SLC25A21: variants seen among roughly 807,000 people sequenced by gnomAD.
SLC25A21 encodes mitochondrial 2-oxodicarboxylate carrier.
In SLC25A21, 47 loss-of-function variants were observed where a neutral mutation model predicts 43.8. The observed-to-expected ratio is 1.07, with a 90% CI of 0.85 to 1.37. The LOEUF (loss-of-function observed/expected upper bound fraction) is 1.37, where lower values mean the gene tolerates loss of function less well. Ranked by LOEUF, SLC25A21 falls within the 40% of genes most tolerant of loss-of-function variation. The pLI is 0.00. For synonymous variants in SLC25A21, 131 were observed against 121.3 expected, an observed-to-expected ratio of 1.08 and a Z score of -0.52; for missense variants, 352 against 350.2, an observed-to-expected ratio of 1.00 and a Z score of -0.04.
intron 1 of SLC25A21, among the ~76,000 whole-genome samples, chr14:37,018,966 A>C (rs2138750617): frequency 6.6e-6 from 1 of 152,160 alleles, no homozygotes; most frequent in East Asian, 1.9e-4. Context: ...GGTTTATCCC[A>C]GGATCTACAG....
At chr14:36,689,645 C>T (rs2139149020) in intron 7 of SLC25A21, among the ~76,000 whole-genome samples, 1 of 152,252 alleles carries the variant, frequency 6.6e-6, no homozygotes, top group Admixed American at 6.5e-5. Flanking sequence ...ACATCTCAAC[C>T]ATATCCATGA....
intron 1 of SLC25A21, among the ~76,000 whole-genome samples, chr14:37,159,132 T>C (rs1197310648): frequency 6.6e-6 from 1 of 151,126 alleles, no homozygotes; most frequent in Non-Finnish European, 1.5e-5. Flanking sequence ...TGAGAAGAAT[T>C]AATAACAATA....
At chr14:36,734,714 A>C (rs1018753700) in intron 3 of SLC25A21, 141 bp from the exon 4 acceptor site, 1 of 652,652 alleles carries the variant, frequency 1.5e-6, no homozygotes, top group South Asian at 2.1e-5. Context: ...TTCTAAAATA[A>C]AGAAATAAAT....
At chr14:37,103,242 C>T (rs1240917953) in intron 1 of SLC25A21, among the ~76,000 whole-genome samples, 2 of 152,148 alleles carry the variant, frequency 1.3e-5, no homozygotes, top group African/African-American at 4.8e-5. Flanking sequence ...TTGCATATCT[C>T]TTCCTTTACC....
At chr14:36,715,954 G>A (rs1230175940) in intron 6 of SLC25A21, among the ~76,000 whole-genome samples, 1 of 152,088 alleles carries the variant, frequency 6.6e-6, no homozygotes, top group Non-Finnish European at 1.5e-5. Flanking sequence ...AGCTGGGCAT[G>A]GTGGTGCGGG....
chr14:37,016,604 C>G (rs1325438613), intron 1 of SLC25A21, among the ~76,000 whole-genome samples: 1 of 151,998 alleles, frequency 6.6e-6, no homozygotes, highest in African/African-American at 2.4e-5. Flanking sequence ...CCTCAACTCA[C>G]CAATTGCATT....
intron 7 of SLC25A21, among the ~76,000 whole-genome samples, chr14:36,710,023 G>A (rs573481851): frequency 2.6e-5 from 4 of 152,196 alleles, no homozygotes; most frequent in South Asian, 2.1e-4. Context: ...TATTGTAGAC[G>A]TTGAAAAAGG....
intron 1 of SLC25A21, among the ~76,000 whole-genome samples, chr14:37,095,254 A>G (rs1962665027): frequency 6.6e-6 from 1 of 152,196 alleles, no homozygotes; most frequent in Non-Finnish European, 1.5e-5. Context: ...GTGGTGGCAC[A>G]TGCCTGTAAT....
intron 1 of SLC25A21, among the ~76,000 whole-genome samples, chr14:36,953,252 C>T (rs1429846767): frequency 2.0e-5 from 3 of 152,166 alleles, no homozygotes; most frequent in African/African-American, 7.2e-5. Flanking sequence ...TTTTGGGCTG[C>T]TTTGTGTAAA....
chr14:37,088,851 CCAGCATTA>C (rs1962531594), intron 1 of SLC25A21, among the ~76,000 whole-genome samples: 1 of 152,170 alleles, frequency 6.6e-6, no homozygotes, highest in Non-Finnish European at 1.5e-5. Context: ...AGAATACTAA[CCAGCATTA>C]TTTCTTTCTT....
At chr14:37,110,702 C>T (rs1016777476) in intron 1 of SLC25A21, among the ~76,000 whole-genome samples, 1 of 152,134 alleles carries the variant, frequency 6.6e-6, no homozygotes, top group Non-Finnish European at 1.5e-5. Flanking sequence ...CCATATTGCG[C>T]TCACTATTTT....
At chr14:37,016,211 A>C (rs1427265317) in intron 1 of SLC25A21, among the ~76,000 whole-genome samples, 1 of 152,112 alleles carries the variant, frequency 6.6e-6, no homozygotes, top group African/African-American at 2.4e-5. Flanking sequence ...TCTTGAATTA[A>C]TTTTTGTATA....
At chr14:36,867,739 G>A (rs1890252202) in intron 2 of SLC25A21, among the ~76,000 whole-genome samples, 1 of 151,750 alleles carries the variant, frequency 6.6e-6, no homozygotes, top group Non-Finnish European at 1.5e-5. Context: ...GACTCCATTT[G>A]TCTTTGTATT....
At chr14:37,091,817 T>C (rs753898963) in intron 1 of SLC25A21, among the ~76,000 whole-genome samples, 1 of 152,182 alleles carries the variant, frequency 6.6e-6, no homozygotes, top group Non-Finnish European at 1.5e-5. Flanking sequence ...TGAAAGCCTC[T>C]GAGTTATTTC....
intron 1 of SLC25A21, among the ~76,000 whole-genome samples, chr14:37,049,557 G>A: frequency 6.6e-6 from 1 of 152,104 alleles, no homozygotes; most frequent in East Asian, 1.9e-4. Flanking sequence ...GGGCAACAGA[G>A]GAAGACCCTG....
At chr14:36,899,133 T>G (rs932805587) in intron 1 of SLC25A21, among the ~76,000 whole-genome samples, 2 of 152,188 alleles carry the variant, frequency 1.3e-5, no homozygotes, top group Non-Finnish European at 2.9e-5. Flanking sequence ...CTCATGCCTA[T>G]AATCCCAGCA....
At chr14:36,989,694 TAA>T (rs1327498595) in intron 1 of SLC25A21, among the ~76,000 whole-genome samples, 1 of 152,152 alleles carries the variant, frequency 6.6e-6, no homozygotes, top group Non-Finnish European at 1.5e-5. Context: ...CACTGAGTCC[TAA>T]AATATCGCTT....
chr14:37,159,917 G>A lies in SLC25A21; in HGVS notation c.70+12364C>T, dbSNP rs1033140079. 5.3e-5 allele frequency among the ~76,000 whole-genome samples: 8 copies of A among 152,158 alleles called. 1 individual carries two copies. The Middle Eastern group carries it at 0.014, about 259-fold the overall frequency. On this transcript the variant is annotated intron_variant, in intron 1 of 9. Transcript: ENST00000331299. ...TCATTAAAAAGTAGGCAAAGTACAC[G>A]AATAGACATTTCTCAAAAGAAGACA...
At chr14:37,006,213 T>A (rs1329718214) in intron 1 of SLC25A21, among the ~76,000 whole-genome samples, 3 of 152,148 alleles carry the variant, frequency 2.0e-5, no homozygotes, top group East Asian at 3.8e-4. Flanking sequence ...AAATGTAACA[T>A]TCGAACAGAT....
Sources: allele counts gnomAD v4.1 joint callset (sites outside exome capture counted in the v4.1 genomes callset), GRCh38; gene constraint gnomAD v4.1.1; transcripts MANE v1.5; gene names NCBI Gene and HGNC (gene_info 2026-07-23, HGNC 2026-07-21).